Variants in EDIL3 observed in about 807,000 individuals in gnomAD.
The protein encoded by EDIL3 is EGF like and discoidin domains 3, also known as EGF-like repeat and discoidin I-like domain-containing protein 3.
EDIL3 carries 37 observed loss-of-function variants against 67.4 expected under a neutral mutation model. That is an observed-to-expected ratio of 0.55 (90% CI 0.42 to 0.72). EDIL3 has a LOEUF of 0.72. Ranked by LOEUF, EDIL3 falls within the 30% of genes least tolerant of loss-of-function variation. The probability of loss-of-function intolerance (pLI) is 0.00; values close to 1 mark genes in which losing one functional copy is unlikely to be tolerated. For missense variants in EDIL3, 527 were observed against 586.3 expected (o/e 0.90, Z 1.04); for synonymous variants, 195 against 196.3 (o/e 0.99, Z 0.05).
At chr5:84,113,389 C>A (rs1035160953) in intron 5 of EDIL3, among the ~76,000 whole-genome samples, 5 of 152,076 alleles carry the variant, frequency 3.3e-5, no homozygotes, top group African/African-American at 1.2e-4. Flanking sequence ...TCTGAGTAGA[C>A]TGGAAGTGCC....
At chr5:84,136,953 T>C (rs1188250536) in intron 5 of EDIL3, among the ~76,000 whole-genome samples, 3 of 152,042 alleles carry the variant, frequency 2.0e-5, no homozygotes, top group Admixed American at 2.0e-4. Flanking sequence ...TGAGGAAATG[T>C]TATCATTCTT....
intron 5 of EDIL3, among the ~76,000 whole-genome samples, chr5:84,124,662 G>C (rs1411739990): frequency 1.3e-5 from 2 of 151,248 alleles, no homozygotes; most frequent in Non-Finnish European, 3.0e-5. Context: ...TATATTGTTA[G>C]GTTAATAATA....
chr5:84,146,819 A>C (rs1748297741), intron 4 of EDIL3, among the ~76,000 whole-genome samples: 1 of 152,156 alleles, frequency 6.6e-6, no homozygotes, highest in Non-Finnish European at 1.5e-5. Flanking sequence ...ATACCTATAG[A>C]ATTAAAATTT....
In EDIL3 at chr5:84,113,395, G is replaced by A. The variant is rs75977686; in HGVS notation, c.470-6565C>T. ...CCTGAATTGTCTGAGTAGACTGGAAGTGCCTTCTGACCTGACACCCTGCTG... is the reference window on the plus strand; with the variant it reads ...CCTGAATTGTCTGAGTAGACTGGAAATGCCTTCTGACCTGACACCCTGCTG... On this transcript the variant is annotated intron_variant, in intron 5 of 10. Coordinates refer to ENST00000296591, the MANE Select transcript of EDIL3 (RefSeq NM_005711.5). Among the ~76,000 whole-genome samples the A allele has an allele frequency of 5.8e-3, 878 of 152,250 alleles. 9 individuals carry two copies. The highest frequency in any genetic ancestry group is 0.018 in the African/African-American group (767 of 41,542).
rs571963520 is a variant in EDIL3, at chr5:84,173,667, A to G, written c.355+6726T>C. On this transcript the variant is annotated intron_variant, in intron 4 of 10. Coordinates refer to ENST00000296591, the MANE Select transcript of EDIL3 (RefSeq NM_005711.5). ...AGACTTGAGATGAGTAAAATGGCAA[A>G]ATGGCATCCATCACAAACCACCCGG... Among the ~76,000 whole-genome samples the G allele has an allele frequency of 2.0e-4, 31 of 152,270 alleles. No homozygotes were observed. The South Asian group carries it at 3.3e-3, about 16-fold the overall frequency.
intron 1 of EDIL3, among the ~76,000 whole-genome samples, chr5:84,270,260 A>C (rs905030985): frequency 1.3e-5 from 2 of 152,306 alleles, no homozygotes; most frequent in Admixed American, 6.5e-5. Flanking sequence ...GGTTGAATGG[A>C]AATAAACAAA....
intron 1 of EDIL3, among the ~76,000 whole-genome samples, chr5:84,345,712 G>C (rs1747223581): frequency 6.6e-6 from 1 of 152,084 alleles, no homozygotes; most frequent in East Asian, 1.9e-4. Context: ...GTATATTTAT[G>C]CATCAAGATA....
chr5:83,984,604 G>T (rs1334209947), intron 9 of EDIL3, among the ~76,000 whole-genome samples: 1 of 152,090 alleles, frequency 6.6e-6, no homozygotes, highest in Non-Finnish European at 1.5e-5. Flanking sequence ...GGCTTTAAAT[G>T]TCCACTGTCT....
At chr5:84,263,164 C>G (rs1441382606) in intron 1 of EDIL3, among the ~76,000 whole-genome samples, 1 of 152,164 alleles carries the variant, frequency 6.6e-6, no homozygotes, top group African/African-American at 2.4e-5. Context: ...ATAGTTACCA[C>G]TGCTTGTTAG....
At chr5:84,185,110 G>A (rs1307034795) in intron 3 of EDIL3, among the ~76,000 whole-genome samples, 1 of 152,060 alleles carries the variant, frequency 6.6e-6, no homozygotes, top group African/African-American at 2.4e-5. Flanking sequence ...GGCTCAGGGA[G>A]GATAAGTATC....
intron 6 of EDIL3, among the ~76,000 whole-genome samples, chr5:84,073,587 C>G (rs1312947635): frequency 1.3e-5 from 2 of 152,172 alleles, no homozygotes; most frequent in Admixed American, 1.3e-4. Context: ...TGAGTGAACT[C>G]CCATTCACAA....
intron 9 of EDIL3, among the ~76,000 whole-genome samples, chr5:83,965,114 A>G (rs768726507): frequency 3.3e-5 from 5 of 152,076 alleles, no homozygotes; most frequent in African/African-American, 4.8e-5. Flanking sequence ...GATTCTTAGC[A>G]TAACGGATCA....
intron 2 of EDIL3, among the ~76,000 whole-genome samples, chr5:84,235,886 G>A (rs1003466842): frequency 2.0e-5 from 3 of 151,842 alleles, no homozygotes; most frequent in African/African-American, 4.8e-5. Context: ...GACAATGGTT[G>A]CTCTAAAGAC....
chr5:84,097,076 G>A (rs558151607), intron 6 of EDIL3, among the ~76,000 whole-genome samples: 41 of 152,112 alleles, frequency 2.7e-4, no homozygotes, highest in East Asian at 2.1e-3. Context: ...GCCCAGCCTC[G>A]GGTATGTCTT....
At chr5:84,202,602 T>G (rs1743867224) in intron 3 of EDIL3, among the ~76,000 whole-genome samples, 1 of 152,128 alleles carries the variant, frequency 6.6e-6, no homozygotes, top group Admixed American at 6.5e-5. Flanking sequence ...GGCTTGGATG[T>G]TTTATACCTG....
At chr5:84,265,762 A>G (rs1297721177) in intron 1 of EDIL3, among the ~76,000 whole-genome samples, 1 of 152,242 alleles carries the variant, frequency 6.6e-6, no homozygotes, top group Non-Finnish European at 1.5e-5. Flanking sequence ...GAATTCTTTA[A>G]CAAACATGGA....
intron 3 of EDIL3, among the ~76,000 whole-genome samples, chr5:84,198,377 G>A (rs775260064): frequency 5.3e-5 from 8 of 151,958 alleles, no homozygotes; most frequent in Non-Finnish European, 1.0e-4. Context: ...TGAGATCCAA[G>A]ACAGATGTAT....
chr5:84,082,337 C>G (rs1057345265), intron 6 of EDIL3, among the ~76,000 whole-genome samples: 1 of 152,126 alleles, frequency 6.6e-6, no homozygotes, highest in Non-Finnish European at 1.5e-5. Context: ...TTCTGGGAAA[C>G]AGAAAACTGT....
intron 9 of EDIL3, among the ~76,000 whole-genome samples, chr5:83,989,055 A>T (rs193012272): frequency 1.0e-3 from 157 of 152,324 alleles, no homozygotes; most frequent in African/African-American, 3.7e-3. Context: ...GCAAAGTTAT[A>T]AAGTAAATTT....
Sources: gnomAD v4.1 joint callset for allele counts (sites outside exome capture counted in the v4.1 genomes callset) on GRCh38, gnomAD v4.1.1 for gene constraint, MANE v1.5 for transcripts, NCBI Gene and HGNC (gene_info 2026-07-23, HGNC 2026-07-21) for gene names.